The following ROBO1 variants were observed in gnomAD, a reference collection of about 807,000 sequenced individuals.
The protein encoded by ROBO1 is roundabout homolog 1.
In ROBO1, 149 loss-of-function variants were observed where a neutral mutation model predicts 195.9. The ratio of observed to expected loss-of-function variants is 0.76; its 90% CI spans 0.67 to 0.87. The LOEUF (loss-of-function observed/expected upper bound fraction) is 0.87. Among genes scored for constraint, ROBO1 ranks in the 40% least tolerant of loss-of-function variants. The pLI is 0.00. For missense variants in ROBO1, 1,933 were observed against 2,068.3 expected (o/e 0.93, Z 1.27); for synonymous variants, 816 against 733.2 (o/e 1.11, Z -1.82).
chr3:79,027,173 G>A (rs971079070), intron 3 of ROBO1, among the ~76,000 whole-genome samples: 6 of 151,958 alleles, frequency 3.9e-5, no homozygotes, highest in African/African-American at 1.2e-4. Flanking sequence ...ATTTCCTAGC[G>A]GAAAATGGGC....
At chr3:78,657,800 A>G (rs1707131094) in intron 17 of ROBO1, among the ~76,000 whole-genome samples, 1 of 152,232 alleles carries the variant, frequency 6.6e-6, no homozygotes. Context: ...ACATTTTACA[A>G]GGAGTAGTTG....
At chr3:79,245,813 T>G (rs1003001552) in intron 2 of ROBO1, among the ~76,000 whole-genome samples, 2 of 152,044 alleles carry the variant, frequency 1.3e-5, no homozygotes, top group African/African-American at 4.8e-5. Flanking sequence ...TTATCCTAAA[T>G]GGATTGAAAC....
At chr3:78,693,280 A>C in intron 8 of ROBO1, 1 of 1,544,556 alleles carries the variant, frequency 6.5e-7, no homozygotes, top group South Asian at 1.2e-5. Flanking sequence ...TATGGATGGA[A>C]AGGGGAAGAG....
At position 79,160,524 on chromosome 3, in the gene ROBO1, C is replaced by T. The variant is rs370135346; in HGVS notation, c.89-34985G>A. On this transcript the variant is annotated intron_variant, in intron 2 of 30. Transcript: ENST00000464233. ...GTAGGTTCTATCAACATTTCCGGAA[C>T]ATTGTTAGAGCAGCTTGTAAAGGGA... 3.3e-5 allele frequency among the ~76,000 whole-genome samples: 5 copies of T among 152,010 alleles called. No homozygotes were observed. In the East Asian group the frequency reaches 7.7e-4, roughly 24 times the overall value.
At chr3:78,920,857 T>C (rs2107596205) in intron 4 of ROBO1, among the ~76,000 whole-genome samples, 1 of 151,960 alleles carries the variant, frequency 6.6e-6, no homozygotes, top group African/African-American at 2.4e-5. Flanking sequence ...TTACTTTATT[T>C]TTGCAGAGGC....
At chr3:78,647,002 C>G (rs1706336621) in intron 20 of ROBO1, among the ~76,000 whole-genome samples, 1 of 151,978 alleles carries the variant, frequency 6.6e-6, no homozygotes, top group South Asian at 2.1e-4. Context: ...GAACTCCAAA[C>G]TGGAAGTCTG....
chr3:78,876,720 G>T (rs1232137094), intron 4 of ROBO1, among the ~76,000 whole-genome samples: 1 of 152,192 alleles, frequency 6.6e-6, no homozygotes, highest in Non-Finnish European at 1.5e-5. Flanking sequence ...ACATGGTAAA[G>T]AACGTACTGT....
intron 4 of ROBO1, among the ~76,000 whole-genome samples, chr3:78,765,510 A>G (rs2083208401): frequency 1.3e-5 from 2 of 152,152 alleles, no homozygotes; most frequent in African/African-American, 4.8e-5. Context: ...ACTTGAAAAA[A>G]AGACACTTCA....
chr3:79,391,360 C>T (rs750303794), intron 2 of ROBO1, among the ~76,000 whole-genome samples: 63 of 152,108 alleles, frequency 4.1e-4, no homozygotes, highest in Middle Eastern at 3.4e-3. Flanking sequence ...CTAACACAGA[C>T]GGAACAACTC....
At chr3:79,493,771 A>C (rs1939590701) in intron 2 of ROBO1, among the ~76,000 whole-genome samples, 1 of 152,200 alleles carries the variant, frequency 6.6e-6, no homozygotes. Context: ...TGATACAGGT[A>C]TACAATGTGT....
chr3:78,980,199 A>G (rs139778920), intron 3 of ROBO1, among the ~76,000 whole-genome samples: 208 of 152,290 alleles, frequency 1.4e-3, no homozygotes, highest in African/African-American at 4.5e-3. Context: ...CATTAGCCCA[A>G]AACTGTAATT....
At chr3:78,928,442 AAAGAAAAG>A (rs200858710) in intron 4 of ROBO1, among the ~76,000 whole-genome samples, 2,232 of 152,284 alleles carry the variant, frequency 0.015, 65 homozygotes, top group African/African-American at 0.048. Context: ...TACTTTTTAA[AAAGAAAAG>A]AAGAAAAGAA....
intron 4 of ROBO1, among the ~76,000 whole-genome samples, chr3:78,937,450 T>A (rs1328165770): frequency 1.3e-5 from 2 of 152,040 alleles, no homozygotes; most frequent in African/African-American, 4.8e-5. Flanking sequence ...TAGAGAATTA[T>A]ATATAAAGTG....
intron 2 of ROBO1, among the ~76,000 whole-genome samples, chr3:79,534,243 C>T (rs752170510): frequency 1.3e-5 from 2 of 149,936 alleles, no homozygotes; most frequent in Non-Finnish European, 3.0e-5. Flanking sequence ...TTTGGCCTGT[C>T]GAGAGTTATT....
intron 4 of ROBO1, among the ~76,000 whole-genome samples, chr3:78,893,347 G>A (rs1305147206): frequency 6.6e-6 from 1 of 152,112 alleles, no homozygotes; most frequent in Non-Finnish European, 1.5e-5. Flanking sequence ...CTGCTATGTG[G>A]AGGAACAGCA....
intron 2 of ROBO1, among the ~76,000 whole-genome samples, chr3:79,254,998 G>A (rs2082802914): frequency 2.0e-5 from 3 of 152,120 alleles, no homozygotes; most frequent in African/African-American, 7.2e-5. Flanking sequence ...CTGGCACACA[G>A]TAAATAAAAC....
chr3:79,150,602 C>A (rs2108636778), intron 2 of ROBO1, among the ~76,000 whole-genome samples: 1 of 151,764 alleles, frequency 6.6e-6, no homozygotes, highest in Middle Eastern at 3.4e-3. Flanking sequence ...AGGATTTAGA[C>A]AATTCAGCAT....
chr3:79,455,276 G>A (rs1279757134), intron 2 of ROBO1, among the ~76,000 whole-genome samples: 1 of 152,060 alleles, frequency 6.6e-6, no homozygotes. Context: ...TGGGTGAAAT[G>A]CCACATTTAA....
intron 4 of ROBO1, among the ~76,000 whole-genome samples, chr3:78,807,799 C>G (rs147902125): frequency 6.6e-6 from 1 of 152,266 alleles, no homozygotes; most frequent in Non-Finnish European, 1.5e-5. Flanking sequence ...GACTGAAGCT[C>G]TCAAGGGAAG....
Sources: allele counts gnomAD v4.1 joint callset (sites outside exome capture counted in the v4.1 genomes callset), GRCh38; gene constraint gnomAD v4.1.1; transcripts MANE v1.5; gene names NCBI Gene and HGNC (gene_info 2026-07-23, HGNC 2026-07-21).